Variants in TXK observed in about 807,000 individuals in gnomAD.
TXK encodes the protein tyrosine-protein kinase TXK.
A neutral mutation model predicts 81.0 loss-of-function variants in TXK; 60 were observed. That is an observed-to-expected ratio of 0.74 (90% confidence interval 0.60 to 0.92). TXK has a LOEUF of 0.92. Ranked by LOEUF, TXK falls within the 40% of genes least tolerant of loss-of-function variation. TXK has a pLI of 0.00. For synonymous variants in TXK, 203 were observed against 210.7 expected (o/e 0.96, Z 0.32); for missense variants, 581 against 638.3 (o/e 0.91, Z 0.97).
At chr4:48,091,866 T>C (rs1029128084) in intron 8 of TXK, among the ~76,000 whole-genome samples, 10 of 152,124 alleles carry the variant, frequency 6.6e-5, no homozygotes, top group Non-Finnish European at 1.5e-4. Flanking sequence ...GAAATCAACA[T>C]TGGAGGCAAT....
Position 48,134,139 on chromosome 4 carries a change from A to C in TXK, c.16+16T>G. 1 of 1,612,926 alleles carries C rather than the reference A, an allele frequency of 6.2e-7. No individual in the cohort carries two copies. Among genetic ancestry groups the C allele is most frequent in the Non-Finnish European group, 8.5e-7 (1 of 1,179,456 alleles). On this transcript the variant is annotated intron_variant, in intron 1 of 14. Coordinates refer to ENST00000264316, the MANE Select transcript of TXK (RefSeq NM_003328.3). Reference sequence around the variant, plus strand: ...AACAAGCCCCAAAAATAAATGACAAAGCCCATCTTACTCACAGGAGGAAAG... The same window carrying C: ...AACAAGCCCCAAAAATAAATGACAACGCCCATCTTACTCACAGGAGGAAAG...
At chr4:48,121,729 CT>C (rs969387143) in intron 1 of TXK, among the ~76,000 whole-genome samples, 1 of 150,736 alleles carries the variant, frequency 6.6e-6, no homozygotes, top group East Asian at 1.9e-4. Flanking sequence ...CACAACCATC[CT>C]TTTTTTTTCA....
chr4:48,105,070 G>T, intron 5 of TXK, 115 bp from the exon 6 acceptor site: 2 of 656,354 alleles, frequency 3.0e-6, no homozygotes, highest in South Asian at 2.3e-5. Flanking sequence ...AGAAAGTTGA[G>T]TGTTTTTTTA....
intron 10 of TXK, among the ~76,000 whole-genome samples, chr4:48,086,157 C>G (rs956237179): frequency 9.9e-5 from 15 of 152,240 alleles, no homozygotes; most frequent in African/African-American, 3.4e-4. Flanking sequence ...ACCCTCTTCA[C>G]AAGGCATTCT....
chr4:48,132,968 C>T (rs1361202143), intron 1 of TXK, among the ~76,000 whole-genome samples: 1 of 151,546 alleles, frequency 6.6e-6, no homozygotes, highest in Admixed American at 6.6e-5. Context: ...AAGTCTCATA[C>T]TTAAATCCTG....
chr4:48,089,949 T>C (rs1410819504), intron 8 of TXK, 125 bp from the exon 9 acceptor site: 1 of 623,120 alleles, frequency 1.6e-6, no homozygotes, highest in Admixed American at 3.0e-5. Flanking sequence ...TACCAGTTAG[T>C]CAGCAGTTTG....
At chr4:48,082,461 C>A (rs1717344922) in intron 10 of TXK, among the ~76,000 whole-genome samples, 3 of 152,136 alleles carry the variant, frequency 2.0e-5, no homozygotes, top group Admixed American at 2.0e-4. Flanking sequence ...TTAGAGTAAC[C>A]AAGACATTCC....
At chr4:48,123,222 G>C (rs554305311) in intron 1 of TXK, among the ~76,000 whole-genome samples, 2 of 152,132 alleles carry the variant, frequency 1.3e-5, no homozygotes, top group African/African-American at 4.8e-5. Flanking sequence ...AAATCAAATA[G>C]GTCTGTGATT....
intron 1 of TXK, among the ~76,000 whole-genome samples, chr4:48,123,630 G>C (rs191610911): frequency 1.3e-3 from 192 of 152,314 alleles, no homozygotes; most frequent in Non-Finnish European, 2.4e-3. Context: ...CTGTGAAGTA[G>C]ATGCCGTTTT....
chr4:48,131,331 T>C (rs2109490793), intron 1 of TXK, among the ~76,000 whole-genome samples: 1 of 152,260 alleles, frequency 6.6e-6, no homozygotes, highest in East Asian at 1.9e-4. Flanking sequence ...TTTTTTTTTT[T>C]TTTTAAAAGA....
chr4:48,071,549 T>C lies in TXK; in HGVS notation c.1483A>G (p.Ile495Val), dbSNP rs1207689512. ...CAGCAGCTGTACATGACTTCATATA[T>C]GGACATTGGTGCCAGGTGAGGGCGA... ...LYRPHLAPMSIYEVMYSCWHE... is the reference protein window; with the variant it reads ...LYRPHLAPMSVYEVMYSCWHE... Residue 495 changes from isoleucine (I) to valine (V), a missense_variant, in exon 14 of 15, where the codon ATA (isoleucine) becomes GTA (valine). Coordinates refer to ENST00000264316, the MANE Select transcript of TXK (RefSeq NM_003328.3). The C allele has an allele frequency of 3.1e-6, 5 of 1,614,114 alleles. No homozygotes were observed. Among genetic ancestry groups the C allele is most frequent in the Non-Finnish European group, 1.7e-6 (2 of 1,179,998 alleles).
intron 4 of TXK, among the ~76,000 whole-genome samples, chr4:48,112,074 GTGACT>G (rs1718650847): frequency 6.6e-6 from 1 of 152,236 alleles, no homozygotes; most frequent in Admixed American, 6.5e-5. Flanking sequence ...GAGACGGTAA[GTGACT>G]TGCCCGGGGA....
At chr4:48,069,834 T>G (rs1356631398) in intron 14 of TXK, among the ~76,000 whole-genome samples, 3 of 152,220 alleles carry the variant, frequency 2.0e-5, no homozygotes, top group African/African-American at 7.2e-5. Context: ...TATTATTTCA[T>G]ACACAACATA....
chr4:48,076,489 C>G, intron 11 of TXK, 23 bp from the exon 12 acceptor site: 1 of 1,599,532 alleles, frequency 6.3e-7, no homozygotes, highest in Non-Finnish European at 8.5e-7. Flanking sequence ...GAAAAGAATC[C>G]AAGTTTGAAT....
intron 1 of TXK, among the ~76,000 whole-genome samples, chr4:48,120,332 A>ATATACACATATATACGTATATACGTATG (rs1296691924): frequency 6.7e-6 from 1 of 149,956 alleles, no homozygotes; most frequent in Non-Finnish European, 1.5e-5. Context: ...ATATACGTAT[A>ATATACACATATATACGTATATACGTATG]TATACACATA....
intron 6 of TXK, among the ~76,000 whole-genome samples, chr4:48,097,437 T>TTTTTGA (rs1718024244): frequency 6.6e-6 from 1 of 151,356 alleles, no homozygotes; most frequent in South Asian, 2.1e-4. Context: ...TTTTTTTTTT[T>TTTTTGA]GAGACGGAGT....
rs998834374 is a variant in TXK at position 48,073,787 on chromosome 4, G to A, written c.1357+148C>T. On this transcript the variant is annotated intron_variant, in intron 13 of 14. Transcript: ENST00000264316. ...GTGACACCAGTTGCCAAAGACAGTC[G>A]GGATGTGGTTAGAACACACAGAAGG... 243 of 551,654 alleles carry A rather than the reference G, an allele frequency of 4.4e-4. 2 individuals carry two copies. The highest frequency in any genetic ancestry group is 3.4e-4 in the Middle Eastern group (1 of 2,902). The allele number at this position is 551,654 out of a possible 1,614,324, so 34.2% of individuals were successfully genotyped here.
rs1170629429 is a variant in TXK, at chr4:48,119,878, CT to C, written c.17-5477del. Among the ~76,000 whole-genome samples, 11 of 152,214 alleles carry C rather than the reference CT, an allele frequency of 7.2e-5. No individual in the cohort carries two copies. The South Asian group carries it at 1.0e-3, about 14-fold the overall frequency. On this transcript the variant is annotated intron_variant, in intron 1 of 14. Coordinates refer to ENST00000264316, the MANE Select transcript of TXK (RefSeq NM_003328.3). Reference sequence around the variant, plus strand: ...TGCTGTTTTAGAGCCCCAAATAGATCTGTATCTATTCAGGCCACAGGATGCA... The same window carrying C: ...TGCTGTTTTAGAGCCCCAAATAGATCGTATCTATTCAGGCCACAGGATGCA...
At chr4:48,077,702 C>T (rs530418281) in intron 11 of TXK, among the ~76,000 whole-genome samples, 23 of 151,736 alleles carry the variant, frequency 1.5e-4, no homozygotes, top group African/African-American at 5.1e-4. Flanking sequence ...GTGCTGGATA[C>T]GAGGGAATGT....
Sources: gnomAD v4.1 joint callset for allele counts (sites outside exome capture counted in the v4.1 genomes callset) on GRCh38, gnomAD v4.1.1 for gene constraint, MANE v1.5 for transcripts, NCBI Gene and HGNC (gene_info 2026-07-23, HGNC 2026-07-21) for gene names.